Variants in GSG1L observed in about 807,000 individuals in gnomAD.
The protein encoded by GSG1L is germ cell-specific gene 1-like protein.
GSG1L carries 24 observed loss-of-function variants against 42.1 expected under a neutral mutation model. The observed-to-expected ratio is 0.57, with a 90% CI of 0.41 to 0.80. GSG1L has a LOEUF of 0.80. Ranked by LOEUF, GSG1L falls within the 30% of genes least tolerant of loss-of-function variation. GSG1L has a pLI of 0.00. For synonymous variants in GSG1L, 215 were observed against 203.5 expected (o/e 1.06, Z -0.48); for missense variants, 445 against 472.2 (o/e 0.94, Z 0.53).
At position 27,828,409 on chromosome 16, in the gene GSG1L, A is replaced by G. The variant is rs116288322; in HGVS notation, c.830+380T>C. Among the ~76,000 whole-genome samples the G allele has an allele frequency of 6.1e-3, 930 of 152,266 alleles. 10 individuals are homozygous for G. Among genetic ancestry groups the G allele is most frequent in the African/African-American group, 0.021 (885 of 41,562 alleles). On this transcript the variant is annotated intron_variant, in intron 5 of 6. Transcript: ENST00000447459. ...CATCCTCCTCCTGGAGCCATCACCA[A>G]TCCCACAGCTGGGTCCTCTTTTCAC...
chr16:27,840,149 C>G (rs1161597488), intron 4 of GSG1L, among the ~76,000 whole-genome samples: 1 of 152,068 alleles, frequency 6.6e-6, no homozygotes, highest in Non-Finnish European at 1.5e-5. Context: ...CTCACTTTAC[C>G]CTCCTGAGTG....
At chr16:28,008,542 C>T (rs575761988) in intron 1 of GSG1L, among the ~76,000 whole-genome samples, 57 of 152,340 alleles carry the variant, frequency 3.7e-4, no homozygotes, top group Non-Finnish European at 6.9e-4. Context: ...GCAGCCTCCT[C>T]ATGGCCTCCC....
chr16:27,955,347 T>C (rs1664380051), intron 2 of GSG1L, among the ~76,000 whole-genome samples: 1 of 151,876 alleles, frequency 6.6e-6, no homozygotes, highest in South Asian at 2.1e-4. Flanking sequence ...GACTGGCTGA[T>C]TGAAATATAA....
At chr16:28,052,123 T>A (rs1455771628) in intron 1 of GSG1L, among the ~76,000 whole-genome samples, 1 of 151,046 alleles carries the variant, frequency 6.6e-6, no homozygotes, top group Non-Finnish European at 1.5e-5. Flanking sequence ...GAGAAAGGAG[T>A]CAAAGATGAC....
intron 2 of GSG1L, among the ~76,000 whole-genome samples, chr16:27,951,925 C>G (rs1332720033): frequency 1.3e-5 from 2 of 152,148 alleles, no homozygotes; most frequent in Non-Finnish European, 2.9e-5. Flanking sequence ...GACCATGGAG[C>G]CAACCACATT....
At chr16:27,892,817 T>G (rs529331421) in intron 2 of GSG1L, among the ~76,000 whole-genome samples, 1 of 146,338 alleles carries the variant, frequency 6.8e-6, no homozygotes, top group Middle Eastern at 3.6e-3. Context: ...AAAGTCACCT[T>G]AAGGAAAAAC....
At chr16:27,858,726 G>A (rs1040879287) in intron 3 of GSG1L, among the ~76,000 whole-genome samples, 1 of 152,226 alleles carries the variant, frequency 6.6e-6, no homozygotes, top group Non-Finnish European at 1.5e-5. Context: ...GGCCAAGGCA[G>A]GAGGATTGCT....
intron 2 of GSG1L, among the ~76,000 whole-genome samples, chr16:27,908,839 A>G (rs1022990054): frequency 5.3e-5 from 8 of 152,186 alleles, no homozygotes; most frequent in African/African-American, 1.9e-4. Flanking sequence ...TTGCTTGGCC[A>G]ACTCCTACAC....
At chr16:28,007,016 C>A (rs780775615) in intron 1 of GSG1L, among the ~76,000 whole-genome samples, 2 of 152,120 alleles carry the variant, frequency 1.3e-5, no homozygotes, top group African/African-American at 2.4e-5. Flanking sequence ...GATAAGGGAG[C>A]CCCAGGCTCC....
At chr16:27,925,467 A>C (rs889701822) in intron 2 of GSG1L, among the ~76,000 whole-genome samples, 1 of 152,192 alleles carries the variant, frequency 6.6e-6, no homozygotes, top group African/African-American at 2.4e-5. Context: ...ACTGAGAAAG[A>C]GTCTTGACCC....
chr16:28,008,175 G>A (rs180959443), intron 1 of GSG1L, among the ~76,000 whole-genome samples: 5 of 152,148 alleles, frequency 3.3e-5, no homozygotes, highest in Non-Finnish European at 7.4e-5. Flanking sequence ...CGCCTTCTGG[G>A]TTCAAGTGAT....
At chr16:27,914,524 TTTTC>T (rs1333994581) in intron 2 of GSG1L, among the ~76,000 whole-genome samples, 5 of 142,688 alleles carry the variant, frequency 3.5e-5, no homozygotes, top group Admixed American at 2.8e-4. Flanking sequence ...TTTTCTTTTC[TTTTC>T]TATTTTTTTT....
chr16:27,885,985 G>A (rs1396401492), intron 2 of GSG1L, among the ~76,000 whole-genome samples: 3 of 152,150 alleles, frequency 2.0e-5, no homozygotes, highest in Admixed American at 2.0e-4. Flanking sequence ...TTTTTGCCGG[G>A]AGAGACTCTC....
chr16:27,933,304 G>A (rs1248066165), intron 2 of GSG1L, among the ~76,000 whole-genome samples: 2 of 152,058 alleles, frequency 1.3e-5, no homozygotes, highest in East Asian at 1.9e-4. Flanking sequence ...GTCCATGAGG[G>A]CAGGGCCCTA....
intron 2 of GSG1L, among the ~76,000 whole-genome samples, chr16:27,939,016 A>G (rs2084754049): frequency 6.6e-6 from 1 of 152,154 alleles, no homozygotes; most frequent in Admixed American, 6.5e-5. Context: ...GACTCTGGGG[A>G]ACTAACGGGG....
intron 3 of GSG1L, among the ~76,000 whole-genome samples, chr16:27,869,585 C>G (rs2083778233): frequency 6.9e-6 from 1 of 144,296 alleles, no homozygotes; most frequent in African/African-American, 2.7e-5. Flanking sequence ...CTCACTCCCT[C>G]TCCTTCTCTC....
chr16:27,891,084 C>T (rs1189295946), intron 2 of GSG1L, among the ~76,000 whole-genome samples: 3 of 152,138 alleles, frequency 2.0e-5, no homozygotes, highest in Admixed American at 1.3e-4. Context: ...TGCCGGGGGA[C>T]GTACACCAAC....
chr16:27,951,244 A>G (rs1222547468), intron 2 of GSG1L, among the ~76,000 whole-genome samples: 1 of 152,194 alleles, frequency 6.6e-6, no homozygotes, highest in African/African-American at 2.4e-5. Context: ...GAGCTCCACG[A>G]TGGAGCAGGG....
At chr16:27,966,742 C>T (rs952747209) in intron 1 of GSG1L, among the ~76,000 whole-genome samples, 3 of 152,140 alleles carry the variant, frequency 2.0e-5, no homozygotes, top group Non-Finnish European at 4.4e-5. Context: ...AGGGGGCGCA[C>T]GCTGGACCTA....
Sources: gnomAD v4.1 joint callset for allele counts (sites outside exome capture counted in the v4.1 genomes callset) on GRCh38, gnomAD v4.1.1 for gene constraint, MANE v1.5 for transcripts, NCBI Gene and HGNC (gene_info 2026-07-23, HGNC 2026-07-21) for gene names.